CCDC85A: variants seen among roughly 807,000 people sequenced by gnomAD.
The protein encoded by CCDC85A is coiled-coil domain containing 85A.
CCDC85A carries 38 observed loss-of-function variants against 50.2 expected under a neutral mutation model. That is an observed-to-expected ratio of 0.76 (90% CI 0.58 to 0.99). CCDC85A has a LOEUF of 0.99. Among genes scored for constraint, CCDC85A ranks in the 50% least tolerant of loss-of-function variants. The pLI, the probability that CCDC85A is intolerant of heterozygous loss-of-function variation, is 0.00. For synonymous variants in CCDC85A, 366 were observed against 301.4 expected (o/e 1.21, Z -2.22); for missense variants, 820 against 742.0 (o/e 1.11, Z -1.22).
At chr2:56,327,451 C>G (rs1573266188) in intron 2 of CCDC85A, among the ~76,000 whole-genome samples, 2 of 152,062 alleles carry the variant, frequency 1.3e-5, no homozygotes, top group South Asian at 4.2e-4. Context: ...TTAAAATGCC[C>G]CAATAAAATA....
rs772737505 is a variant in CCDC85A at position 56,193,233 on chromosome 2, G to C, written c.1033G>C (p.Gly345Arg). The change falls in exon 2 of 6, where the codon GGG (glycine) becomes CGG (arginine). Residue 345 changes from glycine to arginine, a missense_variant. Physicochemically the swap from Gly to Arg is moderately radical, Grantham distance 125. Coordinates refer to ENST00000407595, the MANE Select transcript of CCDC85A (RefSeq NM_001080433.2). Reference protein sequence around the residue: ...SPEHLQKHALGGSLEHLPRAR... With the variant: ...SPEHLQKHALRGSLEHLPRAR... ...GGAGCATCTTCAGAAACACGCTCTT[G>C]GGGGGAGCCTAGAGCATCTCCCCAG... is the stretch of plus-strand genomic sequence containing the variant. 8 of 1,613,486 alleles carry C rather than the reference G, an allele frequency of 5.0e-6. No individual in the cohort carries two copies. Among genetic ancestry groups the C allele is most frequent in the East Asian group, 2.2e-5 (1 of 44,826 alleles).
intron 4 of CCDC85A, among the ~76,000 whole-genome samples, chr2:56,372,699 C>T (rs1028955632): frequency 2.0e-5 from 3 of 152,056 alleles, no homozygotes; most frequent in African/African-American, 7.2e-5. Flanking sequence ...GTTGAGCAAC[C>T]GCATGCAGGA....
chr2:56,187,214 G>C (rs1347822133), intron 1 of CCDC85A, among the ~76,000 whole-genome samples: 1 of 152,182 alleles, frequency 6.6e-6, no homozygotes, highest in African/African-American at 2.4e-5. Context: ...AAGGGCGTGG[G>C]GGAGCGTCTG....
chr2:56,258,180 G>A (rs1412240518), intron 2 of CCDC85A, among the ~76,000 whole-genome samples: 1 of 152,104 alleles, frequency 6.6e-6, no homozygotes, highest in Non-Finnish European at 1.5e-5. Flanking sequence ...TAAGAGGTGG[G>A]GGAGGCCATG....
intron 2 of CCDC85A, among the ~76,000 whole-genome samples, chr2:56,273,829 A>G (rs1670805830): frequency 6.6e-6 from 1 of 152,092 alleles, no homozygotes; most frequent in Non-Finnish European, 1.5e-5. Context: ...TGGAGTTTAT[A>G]GAATATCTGA....
At position 56,319,005 on chromosome 2, in the gene CCDC85A, C is replaced by T. The variant is rs767578487; in HGVS notation, c.1241-23874C>T. On this transcript the variant is annotated intron_variant, in intron 2 of 5. Transcript: ENST00000407595. ...ATGATGATTGTAGTCCTAGATCTGC[C>T]GTCATGATGCTGGAGCAGGAGCAGA... Among the ~76,000 whole-genome samples, 19 of 152,036 alleles carry T rather than the reference C, an allele frequency of 1.2e-4. 1 individual carries two copies. The highest frequency in any genetic ancestry group is 3.3e-4 in the Admixed American group (5 of 15,238).
At chr2:56,349,467 G>T (rs1549029) in intron 3 of CCDC85A, among the ~76,000 whole-genome samples, 15,490 of 152,066 alleles carry the variant, frequency 0.1, 1,045 homozygotes, top group East Asian at 0.26. Flanking sequence ...ACTGGATTAA[G>T]GGAAAAGCTA....
At chr2:56,340,884 A>C (rs1238352840) in intron 2 of CCDC85A, among the ~76,000 whole-genome samples, 1 of 151,726 alleles carries the variant, frequency 6.6e-6, no homozygotes, top group Non-Finnish European at 1.5e-5. Flanking sequence ...CTCAAAAAAA[A>C]AAAAAAAAAA....
rs372901100 is a variant in CCDC85A at position 56,352,239 on chromosome 2, A to G, written c.1317+9284A>G. On this transcript the variant is annotated intron_variant, in intron 3 of 5. Coordinates refer to ENST00000407595, the MANE Select transcript of CCDC85A (RefSeq NM_001080433.2). ...TATAAATGTAATATATGCAATATCTATATTGCCTAAATATAAACATAATAT... is the reference window on the plus strand; with the variant it reads ...TATAAATGTAATATATGCAATATCTGTATTGCCTAAATATAAACATAATAT... Among the ~76,000 whole-genome samples, 62 of 152,216 alleles carry G rather than the reference A, an allele frequency of 4.1e-4. 1 individual carries two copies. Among genetic ancestry groups the G allele is most frequent in the Non-Finnish European group, 8.4e-4 (57 of 68,028 alleles).
intron 2 of CCDC85A, among the ~76,000 whole-genome samples, chr2:56,250,944 T>A (rs1011083552): frequency 6.6e-5 from 10 of 152,242 alleles, no homozygotes; most frequent in African/African-American, 2.2e-4. Flanking sequence ...TGCTATTTTG[T>A]CTTTCATTCG....
chr2:56,189,561 G>A (rs1676209083), intron 1 of CCDC85A, among the ~76,000 whole-genome samples: 1 of 152,050 alleles, frequency 6.6e-6, no homozygotes, highest in Admixed American at 6.5e-5. Context: ...AAAGTGTTGG[G>A]ATTACAGATA....
At chr2:56,352,415 G>A (rs556386345) in intron 3 of CCDC85A, among the ~76,000 whole-genome samples, 6 of 152,090 alleles carry the variant, frequency 3.9e-5, no homozygotes, top group East Asian at 3.9e-4. Context: ...GTGTGATCGC[G>A]GCTCACTGCA....
intron 2 of CCDC85A, among the ~76,000 whole-genome samples, chr2:56,229,802 A>G (rs550083451): frequency 6.6e-6 from 1 of 152,188 alleles, no homozygotes; most frequent in Non-Finnish European, 1.5e-5. Flanking sequence ...AATTAGTCAG[A>G]AAGAGCCTAC....
chr2:56,234,147 A>T (rs1055901902), intron 2 of CCDC85A, among the ~76,000 whole-genome samples: 1 of 152,162 alleles, frequency 6.6e-6, no homozygotes, highest in African/African-American at 2.4e-5. Context: ...TGTAGTTAAC[A>T]TCCAGTGCTG....
intron 2 of CCDC85A, among the ~76,000 whole-genome samples, chr2:56,255,101 T>C (rs994987645): frequency 6.6e-6 from 1 of 152,160 alleles, no homozygotes; most frequent in Non-Finnish European, 1.5e-5. Context: ...TTATCACACC[T>C]TGCTCTTCTC....
chr2:56,363,794 A>G (rs944105183), intron 3 of CCDC85A, among the ~76,000 whole-genome samples: 1 of 152,212 alleles, frequency 6.6e-6, no homozygotes, highest in Non-Finnish European at 1.5e-5. Flanking sequence ...TCTGCAAGTC[A>G]GATGCAATGT....
chr2:56,277,976 A>G (rs148872457), intron 2 of CCDC85A, among the ~76,000 whole-genome samples: 2 of 152,320 alleles, frequency 1.3e-5, no homozygotes, highest in East Asian at 3.9e-4. Context: ...ACAGCTTGGC[A>G]TGGGTGGGAT....
intron 2 of CCDC85A, among the ~76,000 whole-genome samples, chr2:56,304,419 C>A (rs1672339349): frequency 6.6e-6 from 1 of 152,092 alleles, no homozygotes; most frequent in South Asian, 2.1e-4. Context: ...GCAGTGGCAT[C>A]AAAAATTTTC....
intron 2 of CCDC85A, among the ~76,000 whole-genome samples, chr2:56,332,197 T>C (rs1573278791): frequency 6.6e-6 from 1 of 152,316 alleles, no homozygotes; most frequent in East Asian, 1.9e-4. Flanking sequence ...TTCTAAGACT[T>C]TAGTGGTAGA....
Sources: gnomAD v4.1 joint callset for allele counts (sites outside exome capture counted in the v4.1 genomes callset) on GRCh38, gnomAD v4.1.1 for gene constraint, MANE v1.5 for transcripts, NCBI Gene and HGNC (gene_info 2026-07-23, HGNC 2026-07-21) for gene names.